Variants in PRMT8 observed in about 807,000 individuals in gnomAD.
PRMT8 encodes the protein protein arginine methyltransferase 8.
PRMT8 carries 7 observed loss-of-function variants against 47.1 expected under a neutral mutation model. The observed-to-expected ratio is 0.15, with a 90% confidence interval of 0.08 to 0.28. PRMT8 has a LOEUF of 0.28. Among genes scored for constraint, PRMT8 ranks in the 10% least tolerant of loss-of-function variants. PRMT8 has a pLI of 1.00. For synonymous variants in PRMT8, 188 were observed against 186.5 expected, an observed-to-expected ratio of 1.01 and a Z score of -0.07; for missense variants, 237 against 505.4, an observed-to-expected ratio of 0.47 and a Z score of 5.09.
chr12:3,568,176 G>A lies in PRMT8; in HGVS notation c.482-530G>A, dbSNP rs563678050. On this transcript the variant is annotated intron_variant, in intron 4 of 9. Transcript: ENST00000382622. ...AGGAAATTGTTAAGAAAATCCTAAG[G>A]AAGAGGAAATATATTTACCACTCAC... Among the ~76,000 whole-genome samples, 3 of 152,168 alleles carry A rather than the reference G, an allele frequency of 2.0e-5. No homozygotes were observed. The South Asian group carries it at 6.2e-4, about 32-fold the overall frequency.
chr12:3,566,728 G>T lies in PRMT8; in HGVS notation c.482-1978G>T, dbSNP rs1193501777. Among the ~76,000 whole-genome samples, 1 of 152,146 alleles carries T rather than the reference G, an allele frequency of 6.6e-6. No homozygotes were observed. The highest frequency in any genetic ancestry group is 2.4e-5 in the African/African-American group (1 of 41,430). ...TGAAACTCAGATTCTAGGCAGATGT[G>T]GTTCTTTTGATTTTTACTCCTAAGT... On this transcript the variant is annotated intron_variant, in intron 4 of 9. Coordinates refer to ENST00000382622, the MANE Select transcript of PRMT8 (RefSeq NM_019854.5). This position sits in a 1 kb window ranked among gnomAD's most constrained non-coding sequence, Gnocchi z 4.7.
At chr12:3,524,308 G>A (rs1291214698) in intron 1 of PRMT8, among the ~76,000 whole-genome samples, 6 of 152,138 alleles carry the variant, frequency 3.9e-5, no homozygotes, top group Non-Finnish European at 7.4e-5. Flanking sequence ...AGGAAACAAC[G>A]CATACAGTGG....
intron 1 of PRMT8, among the ~76,000 whole-genome samples, chr12:3,532,425 C>T (rs1345010703): frequency 1.3e-5 from 2 of 150,314 alleles, no homozygotes; most frequent in Non-Finnish European, 3.0e-5. Context: ...GCCTGGCCAA[C>T]ATGGTGAAAC....
In PRMT8 at chr12:3,438,420, C is replaced by A. The variant is rs191803274; in HGVS notation, c.48+56978C>A. Among the ~76,000 whole-genome samples, 46 of 152,310 alleles carry A rather than the reference C, an allele frequency of 3.0e-4. No homozygotes were observed. The South Asian group carries it at 9.3e-3, about 31-fold the overall frequency. On this transcript the variant is annotated intron_variant, in intron 1 of 9. Coordinates refer to the PRMT8 transcript ENST00000452611. ...GCCGTCAGCCTTGACAGCTTGCTGC[C>A]CTCCAGGGCAGAGTGTTCTTCTCAT...
At chr12:3,489,243 G>C (rs1385896228), upstream of PRMT8, among the ~76,000 whole-genome samples, 1 of 152,114 alleles carries the variant, frequency 6.6e-6, no homozygotes, top group African/African-American at 2.4e-5. Context: ...ACCCACTGAG[G>C]TTCTCATAGC....
chr12:3,536,745 G>C (rs538957483), intron 1 of PRMT8, among the ~76,000 whole-genome samples: 1 of 152,308 alleles, frequency 6.6e-6, no homozygotes, highest in African/African-American at 2.4e-5. Context: ...TTGGACACCG[G>C]AGTGCAATGC....
intron 1 of PRMT8, among the ~76,000 whole-genome samples, chr12:3,414,630 G>A (rs140919910): frequency 4.1e-4 from 62 of 152,172 alleles, no homozygotes; most frequent in African/African-American, 1.3e-3. Flanking sequence ...GTTCTTGTCC[G>A]GCATCCAGAA....
At chr12:3,573,489 T>A (rs1866887384) in intron 6 of PRMT8, among the ~76,000 whole-genome samples, 1 of 152,230 alleles carries the variant, frequency 6.6e-6, no homozygotes, top group Non-Finnish European at 1.5e-5. Flanking sequence ...GTTCTATGAC[T>A]TTTTTCTTAT....
At chr12:3,437,389 CA>C (rs1230235781) in intron 1 of PRMT8, among the ~76,000 whole-genome samples, 1 of 151,622 alleles carries the variant, frequency 6.6e-6, no homozygotes, top group Non-Finnish European at 1.5e-5. Flanking sequence ...ATTTTAGGCT[CA>C]GGGGTACATG....
rs973987096 is a variant in PRMT8 at position 3,509,153 on chromosome 12, C to T, written c.75+17453C>T. Reference sequence around the variant, plus strand: ...TGCTTCTCCCTTCCTTAAACCCCATCAGTGGCTTTTCCATTATTCTTAGGA... The same window carrying T: ...TGCTTCTCCCTTCCTTAAACCCCATTAGTGGCTTTTCCATTATTCTTAGGA... On this transcript the variant is annotated intron_variant, in intron 1 of 9. Coordinates refer to ENST00000382622, the MANE Select transcript of PRMT8 (RefSeq NM_019854.5). 2.0e-5 allele frequency among the ~76,000 whole-genome samples: 3 copies of T among 152,254 alleles called. No homozygotes were observed. In the East Asian group the frequency reaches 5.8e-4, roughly 29 times the overall value.
chr12:3,445,139 A>G (rs1417849958), intron 1 of PRMT8, among the ~76,000 whole-genome samples: 1 of 152,246 alleles, frequency 6.6e-6, no homozygotes, highest in Non-Finnish European at 1.5e-5. Flanking sequence ...CCAAGTGTGT[A>G]AATAATGAAT....
intron 1 of PRMT8, among the ~76,000 whole-genome samples, chr12:3,416,948 A>G (rs956972888): frequency 6.6e-6 from 1 of 152,182 alleles, no homozygotes; most frequent in Non-Finnish European, 1.5e-5. Flanking sequence ...AGTATGTGAG[A>G]TTTTTGGTGG....
intron 1 of PRMT8, among the ~76,000 whole-genome samples, chr12:3,506,602 C>T (rs148511252): frequency 1.1e-3 from 162 of 152,296 alleles, no homozygotes; most frequent in South Asian, 2.9e-3. Flanking sequence ...GGCTCACTCC[C>T]AGCTTTGGGA....
chr12:3,466,247 T>A (rs1591558269), intron 1 of PRMT8, among the ~76,000 whole-genome samples: 1 of 152,322 alleles, frequency 6.6e-6, no homozygotes, highest in South Asian at 2.1e-4. Flanking sequence ...CGGATGGTGC[T>A]GACATCCTGT....
chr12:3,408,153 CTCTTTCTT>C (rs540640606), intron 1 of PRMT8, among the ~76,000 whole-genome samples: 6 of 150,398 alleles, frequency 4.0e-5, no homozygotes, highest in South Asian at 2.1e-4. Context: ...CCCTCTCTTT[CTCTTTCTT>C]TCTTTCTTTC....
chr12:3,395,933 T>C (rs1468556273), intron 1 of PRMT8, among the ~76,000 whole-genome samples: 2 of 152,060 alleles, frequency 1.3e-5, no homozygotes, highest in Admixed American at 6.6e-5. Context: ...TAGTTAGCTC[T>C]TCTTGTTGAA....
chr12:3,467,685 C>T (rs920374835), intron 1 of PRMT8, among the ~76,000 whole-genome samples: 5 of 152,258 alleles, frequency 3.3e-5, no homozygotes, highest in African/African-American at 1.2e-4. Context: ...ACACTTACAA[C>T]ATTCAACCAG....
intron 4 of PRMT8, among the ~76,000 whole-genome samples, chr12:3,563,357 TCGG>T (rs1866667783): frequency 2.0e-5 from 3 of 151,702 alleles, no homozygotes; most frequent in African/African-American, 7.3e-5. Flanking sequence ...TCCTATGTTC[TCGG>T]GTGAGTGGGG....
At chr12:3,475,269 G>A (rs1865199957) in intron 1 of PRMT8, among the ~76,000 whole-genome samples, 2 of 152,186 alleles carry the variant, frequency 1.3e-5, no homozygotes, top group Non-Finnish European at 1.5e-5. Context: ...AGGAGGCAGA[G>A]GAAGTTTGGG....
Sources: gnomAD v4.1 joint callset for allele counts (sites outside exome capture counted in the v4.1 genomes callset) on GRCh38, gnomAD v4.1.1 for gene constraint, Gnocchi (gnomAD v3.1) non-coding constraint, MANE v1.5 for transcripts, NCBI Gene and HGNC (gene_info 2026-07-23, HGNC 2026-07-21) for gene names.